The following TBC1D19 variants were observed in gnomAD, a reference collection of about 807,000 sequenced individuals.
The protein encoded by TBC1D19 is TBC1 domain family, member 19.
In TBC1D19, 60 loss-of-function variants were observed where a neutral mutation model predicts 89.0. That is an observed-to-expected ratio of 0.67 (90% confidence interval 0.55 to 0.84). The LOEUF (loss-of-function observed/expected upper bound fraction) is 0.84, where lower values mean the gene tolerates loss of function less well. Among genes scored for constraint, TBC1D19 ranks in the 40% least tolerant of loss-of-function variants. The pLI is 0.00. For synonymous variants in TBC1D19, 189 were observed against 199.7 expected (o/e 0.95, Z 0.45); for missense variants, 500 against 610.8 (o/e 0.82, Z 1.91).
chr4:26,816,625 TA>T, the TBC1D19 span, among the ~76,000 whole-genome samples: 1 of 152,138 alleles, frequency 6.6e-6, no homozygotes, highest in Admixed American at 6.6e-5. Context: ...GGATTCCTGC[TA>T]AAAATAAATA....
chr4:26,628,232 T>C (rs1742560985), intron 4 of TBC1D19, among the ~76,000 whole-genome samples: 1 of 152,198 alleles, frequency 6.6e-6, no homozygotes. Context: ...CCCTGTTCTG[T>C]TCCATCGATC....
chr4:26,632,224 G>A (rs996478654), intron 4 of TBC1D19, among the ~76,000 whole-genome samples: 7 of 151,742 alleles, frequency 4.6e-5, no homozygotes, highest in African/African-American at 1.7e-4. Flanking sequence ...AACAATGTGG[G>A]GTTTAGGGGT....
At chr4:26,629,472 A>C (rs1668644229) in intron 4 of TBC1D19, among the ~76,000 whole-genome samples, 1 of 152,080 alleles carries the variant, frequency 6.6e-6, no homozygotes, top group Non-Finnish European at 1.5e-5. Context: ...CATCTGGCAC[A>C]GTCCCCAGCC....
chr4:26,594,190 GGGA>G (rs1740033260), intron 1 of TBC1D19, among the ~76,000 whole-genome samples: 1 of 152,110 alleles, frequency 6.6e-6, no homozygotes, highest in African/African-American at 2.4e-5. Flanking sequence ...GTCCTTTGTA[GGGA>G]CATGGATGAA....
At chr4:26,839,799 A>G in the TBC1D19 span, among the ~76,000 whole-genome samples, 1 of 152,194 alleles carries the variant, frequency 6.6e-6, no homozygotes, top group Admixed American at 6.5e-5. Context: ...GGCATTGCAC[A>G]TGCAATGCAG....
At chr4:26,834,714 C>T in the TBC1D19 span, among the ~76,000 whole-genome samples, 127 of 152,302 alleles carry the variant, frequency 8.3e-4, no homozygotes, top group Non-Finnish European at 1.2e-3. Flanking sequence ...TCATAGGATT[C>T]TCTCCTCATC....
intron 13 of TBC1D19, among the ~76,000 whole-genome samples, chr4:26,699,468 A>T (rs946862974): frequency 1.2e-4 from 18 of 152,322 alleles, no homozygotes; most frequent in African/African-American, 2.9e-4. Flanking sequence ...TTCCTCAAGG[A>T]TCTAGAACTA....
At chr4:26,647,060 T>C (rs1488574352) in intron 7 of TBC1D19, among the ~76,000 whole-genome samples, 3 of 152,212 alleles carry the variant, frequency 2.0e-5, no homozygotes, top group East Asian at 1.9e-4. Flanking sequence ...GAAGACATGA[T>C]GAGTGTCTGA....
intron 7 of TBC1D19, among the ~76,000 whole-genome samples, chr4:26,654,173 C>G (rs1465602437): frequency 2.0e-5 from 3 of 152,186 alleles, no homozygotes; most frequent in South Asian, 2.1e-4. Flanking sequence ...GTTGAAAATT[C>G]TTTTCTTTAA....
chr4:26,735,071 T>C (rs539053072), intron 15 of TBC1D19, among the ~76,000 whole-genome samples: 33 of 148,784 alleles, frequency 2.2e-4, no homozygotes, highest in African/African-American at 3.8e-4. Context: ...TATATATGTA[T>C]ACACATGTAT....
rs144764435 is a variant in TBC1D19 at position 26,616,709 on chromosome 4, C to A, written c.218+2256C>A. 7.0e-3 allele frequency among the ~76,000 whole-genome samples: 1,061 copies of A among 152,182 alleles called. 10 individuals are homozygous for A. Among genetic ancestry groups the A allele is most frequent in the African/African-American group, 0.024 (984 of 41,548 alleles). On this transcript the variant is annotated intron_variant, in intron 3 of 20. Transcript: ENST00000264866. ...TAGTAAGCATTACAAAGATTTTAGT[C>A]AGTTTCTTATTTAACAAATACACTA...
the TBC1D19 span, among the ~76,000 whole-genome samples, chr4:26,776,265 C>T: frequency 1.2e-4 from 19 of 152,092 alleles, no homozygotes; most frequent in African/African-American, 4.6e-4. Context: ...TGTATTTTTA[C>T]TTAAGCTTTC....
chr4:26,647,830 A>C (rs1577868417), intron 7 of TBC1D19, among the ~76,000 whole-genome samples: 1 of 152,064 alleles, frequency 6.6e-6, no homozygotes, highest in African/African-American at 2.4e-5. Flanking sequence ...GTCTTTGCTT[A>C]AATATCACCT....
chr4:26,850,135 C>T, the TBC1D19 span, among the ~76,000 whole-genome samples: 51,614 of 151,820 alleles, frequency 0.34, 9,037 homozygotes, highest in African/African-American at 0.44. Flanking sequence ...CCCAATTCCC[C>T]GTACCCCAGA....
chr4:26,714,475 A>G (rs1227858417), intron 13 of TBC1D19, among the ~76,000 whole-genome samples: 2 of 151,952 alleles, frequency 1.3e-5, no homozygotes, highest in African/African-American at 4.8e-5. Context: ...TAATCTCTCA[A>G]CAGCATTTGA....
intron 13 of TBC1D19, among the ~76,000 whole-genome samples, chr4:26,717,268 C>T (rs1404236960): frequency 6.6e-6 from 1 of 152,028 alleles, no homozygotes; most frequent in Non-Finnish European, 1.5e-5. Context: ...ACCCAGATTT[C>T]CTGTCACTAA....
At chr4:26,796,145 A>G in the TBC1D19 span, among the ~76,000 whole-genome samples, 10,625 of 152,292 alleles carry the variant, frequency 0.07, 1,077 homozygotes, top group African/African-American at 0.22. Flanking sequence ...CCCCTAGGAC[A>G]TGGTTTCTAA....
intron 13 of TBC1D19, among the ~76,000 whole-genome samples, chr4:26,691,149 G>C (rs999933432): frequency 2.0e-5 from 3 of 152,200 alleles, no homozygotes; most frequent in African/African-American, 4.8e-5. Flanking sequence ...GGAATTAGAA[G>C]TAGAGCCTCA....
chr4:26,839,198 G>GT, the TBC1D19 span, among the ~76,000 whole-genome samples: 2,068 of 150,860 alleles, frequency 0.014, 53 homozygotes, highest in African/African-American at 0.047. Context: ...AACAAAAAGG[G>GT]TTTTTTTTTC....
Sources: allele counts gnomAD v4.1 joint callset (sites outside exome capture counted in the v4.1 genomes callset), GRCh38; gene constraint gnomAD v4.1.1; transcripts MANE v1.5; gene names NCBI Gene and HGNC (gene_info 2026-07-23, HGNC 2026-07-21).